Variants in SLC26A5 observed in about 807,000 individuals in gnomAD.
SLC26A5 encodes the protein solute carrier family 26 member 5, also known as prestin.
SLC26A5 carries 51 observed loss-of-function variants against 81.0 expected under a neutral mutation model. The observed-to-expected ratio is 0.63, with a 90% confidence interval of 0.50 to 0.80. SLC26A5 has a LOEUF of 0.80. SLC26A5 is among the 30% of genes least tolerant of loss of function. The pLI is 0.00. For missense variants in SLC26A5, 771 were observed against 905.8 expected (o/e 0.85, Z 1.91); for synonymous variants, 325 against 332.8 (o/e 0.98, Z 0.25).
chr7:103,381,242 T>C (rs1821757405), intron 14 of SLC26A5, among the ~76,000 whole-genome samples: 1 of 149,070 alleles, frequency 6.7e-6, no homozygotes, highest in Non-Finnish European at 1.5e-5. Context: ...ACATACGCAA[T>C]ACACACACAT....
At chr7:103,371,364 G>C (rs1038333466), downstream of SLC26A5, among the ~76,000 whole-genome samples, 2 of 143,464 alleles carry the variant, frequency 1.4e-5, no homozygotes, top group African/African-American at 5.2e-5. Context: ...TCGCTCTGTC[G>C]CCCAGGCTGG....
chr7:103,430,599 T>TTCTGCCTGCTGTTGCAGCA (rs6150261), intron 2 of SLC26A5, among the ~76,000 whole-genome samples: 45 of 151,676 alleles, frequency 3.0e-4, no homozygotes, highest in Non-Finnish European at 5.9e-4. Flanking sequence ...CCAGAGAGGA[T>TTCTGCCTGCTGTTGCAGCA]GGCTTTGGAG....
chr7:103,381,446 C>A (rs1426679154), intron 14 of SLC26A5, among the ~76,000 whole-genome samples: 1 of 150,960 alleles, frequency 6.6e-6, no homozygotes, highest in Non-Finnish European at 1.5e-5. Flanking sequence ...ACAATATACA[C>A]AATCACACCA....
intron 3 of SLC26A5, 91 bp from the exon 4 acceptor site, chr7:103,420,968 A>G: frequency 7.1e-7 from 1 of 1,410,180 alleles, no homozygotes; most frequent in Non-Finnish European, 9.9e-7. Context: ...CCTTATTCCC[A>G]GGAGCAATCT....
intron 2 of SLC26A5, among the ~76,000 whole-genome samples, chr7:103,438,389 C>CTT (rs979524403): frequency 0.022 from 3,119 of 142,984 alleles, 110 homozygotes; most frequent in African/African-American, 0.076. Flanking sequence ...GATTTCTTTT[C>CTT]TTTTTTTTTT....
At chr7:103,435,688 A>G (rs1457397147) in intron 2 of SLC26A5, among the ~76,000 whole-genome samples, 3 of 152,194 alleles carry the variant, frequency 2.0e-5, no homozygotes, top group Non-Finnish European at 2.9e-5. Flanking sequence ...CTCGTTGCTC[A>G]TGCATGCTCC....
downstream of SLC26A5, among the ~76,000 whole-genome samples, chr7:103,372,879 T>TG (rs1554577207): frequency 1.1e-4 from 15 of 142,610 alleles, no homozygotes; most frequent in Non-Finnish European, 2.1e-4. Flanking sequence ...AAGGGAAATC[T>TG]AAAAAAAAAA....
intron 9 of SLC26A5, among the ~76,000 whole-genome samples, chr7:103,396,941 A>G (rs1823155497): frequency 6.6e-6 from 1 of 150,794 alleles, no homozygotes; most frequent in South Asian, 2.1e-4. Flanking sequence ...CTAAAAATAT[A>G]AAAATTAGTT....
intron 2 of SLC26A5, among the ~76,000 whole-genome samples, chr7:103,439,910 A>G (rs1826750710): frequency 6.6e-6 from 1 of 152,172 alleles, no homozygotes; most frequent in South Asian, 2.1e-4. Flanking sequence ...CTCTACTCCC[A>G]GATAGACTCG....
At chr7:103,403,470 T>C (rs1046037781) in intron 8 of SLC26A5, among the ~76,000 whole-genome samples, 2 of 152,112 alleles carry the variant, frequency 1.3e-5, no homozygotes, top group Non-Finnish European at 2.9e-5. Context: ...GACAGTGGGG[T>C]GTTAAAGTCT....
Position 103,376,789 on chromosome 7 carries a change from A to T in SLC26A5, c.2041+19T>A, listed in dbSNP as rs199650268. The T allele has an allele frequency of 1.7e-5, 27 of 1,561,678 alleles. No homozygotes were observed. In the East Asian group the frequency reaches 5.6e-4, roughly 33 times the overall value. ...AAACTAAAATATTAAGCTTCACCCC[A>T]TCTTAGAGGTATACTCACCACTGCA... On this transcript the variant is annotated intron_variant, in intron 19 of 19. Coordinates refer to ENST00000306312, the MANE Select transcript of SLC26A5 (RefSeq NM_198999.3).
In SLC26A5 at chr7:103,365,300, T is replaced by A. The variant is rs192866698; in HGVS notation, c.2041+11508A>T. On this transcript the variant is annotated intron_variant, in intron 19 of 19. Transcript: ENST00000339444. ...ATATTTTAAGGCTGGCAAGATTAAT[T>A]TGGTGGACTGGGGAGCAAACTTCAG... is the stretch of plus-strand genomic sequence containing the variant. 1.8e-4 allele frequency among the ~76,000 whole-genome samples: 27 copies of A among 152,212 alleles called. No individual in the cohort carries two copies. In the East Asian group the frequency reaches 4.8e-3, roughly 27 times the overall value.
intron 9 of SLC26A5, among the ~76,000 whole-genome samples, chr7:103,393,584 T>C (rs1473194509): frequency 3.3e-5 from 5 of 151,844 alleles, no homozygotes; most frequent in Admixed American, 3.3e-4. Context: ...TGTGTGTGTG[T>C]GTGTGTGTGT....
intron 7 of SLC26A5, among the ~76,000 whole-genome samples, chr7:103,409,471 T>C (rs553878262): frequency 2.6e-5 from 4 of 152,344 alleles, no homozygotes; most frequent in Non-Finnish European, 5.9e-5. Context: ...TTTAAAGCTA[T>C]GTTTAGTTTT....
chr7:103,428,556 T>A (rs1825853600), intron 2 of SLC26A5, among the ~76,000 whole-genome samples: 2 of 131,888 alleles, frequency 1.5e-5, no homozygotes, highest in Non-Finnish European at 3.1e-5. Flanking sequence ...ACCCTGCCAG[T>A]ACTTTTTTTT....
At chr7:103,352,986 TG>T in intron 19 of SLC26A5, 1 of 779,906 alleles carries the variant, frequency 1.3e-6, no homozygotes, top group Non-Finnish European at 2.4e-6. Flanking sequence ...TTTACCACTC[TG>T]TCTATTTGCA....
intron 2 of SLC26A5, among the ~76,000 whole-genome samples, chr7:103,436,737 C>T (rs1364585702): frequency 6.6e-6 from 1 of 152,128 alleles, no homozygotes; most frequent in South Asian, 2.1e-4. Flanking sequence ...AACTGGCTAT[C>T]CACATGCAGA....
At chr7:103,419,614 C>T (rs887140360) in intron 4 of SLC26A5, among the ~76,000 whole-genome samples, 4 of 151,734 alleles carry the variant, frequency 2.6e-5, no homozygotes, top group East Asian at 1.9e-4. Context: ...CTCAGCTCAC[C>T]GCAACCTCCA....
At chr7:103,406,436 A>T (rs1824057425) in intron 8 of SLC26A5, among the ~76,000 whole-genome samples, 1 of 151,990 alleles carries the variant, frequency 6.6e-6, no homozygotes, top group Admixed American at 6.6e-5. Flanking sequence ...TAAGGGAGGG[A>T]ATTCCCTGAC....
Sources: gnomAD v4.1 joint callset for allele counts (sites outside exome capture counted in the v4.1 genomes callset) on GRCh38, gnomAD v4.1.1 for gene constraint, MANE v1.5 for transcripts, NCBI Gene and HGNC (gene_info 2026-07-23, HGNC 2026-07-21) for gene names.